The following GALNTL6 variants were observed in gnomAD, a reference collection of about 807,000 sequenced individuals.
GALNTL6 encodes the protein polypeptide N-acetylgalactosaminyltransferase-like 6.
A neutral mutation model predicts 73.7 loss-of-function variants in GALNTL6; 46 were observed. The ratio of observed to expected loss-of-function variants is 0.62; its 90% CI spans 0.49 to 0.80. The LOEUF is 0.80. Ranked by LOEUF, GALNTL6 falls within the 30% of genes least tolerant of loss-of-function variation. The probability of loss-of-function intolerance (pLI) is 0.00; values close to 1 mark genes in which losing one functional copy is unlikely to be tolerated. For missense variants in GALNTL6, 604 were observed against 755.0 expected (o/e 0.80, Z 2.34); for synonymous variants, 259 against 263.7 (o/e 0.98, Z 0.17).
chr4:172,974,888 A>G (rs939313725), intron 10 of GALNTL6, among the ~76,000 whole-genome samples: 1 of 152,212 alleles, frequency 6.6e-6, no homozygotes, highest in African/African-American at 2.4e-5. Context: ...ACCAGCTTCT[A>G]CTGTGGGCAC....
chr4:172,972,414 A>G, intron 10 of GALNTL6, among the ~76,000 whole-genome samples: 2 of 152,346 alleles, frequency 1.3e-5, no homozygotes, highest in South Asian at 4.1e-4. Flanking sequence ...ATATCAAAAG[A>G]TATCTAAGCC....
At chr4:172,815,924 C>A (rs1741577724) in intron 7 of GALNTL6, among the ~76,000 whole-genome samples, 1 of 152,116 alleles carries the variant, frequency 6.6e-6, no homozygotes. Flanking sequence ...ACCGTGTTTG[C>A]CTTCCTGATA....
chr4:172,606,358 G>A (rs2111035971), intron 5 of GALNTL6, among the ~76,000 whole-genome samples: 2 of 151,146 alleles, frequency 1.3e-5, no homozygotes, highest in East Asian at 3.9e-4. Context: ...GGAGGCTGAG[G>A]CAGGAGAATC....
chr4:172,512,813 C>T (rs989704086), intron 5 of GALNTL6, among the ~76,000 whole-genome samples: 2 of 152,108 alleles, frequency 1.3e-5, no homozygotes, highest in East Asian at 1.9e-4. Flanking sequence ...AGAAATCTGC[C>T]GTTAATCTGA....
At chr4:172,598,415 C>G (rs908649671) in intron 5 of GALNTL6, among the ~76,000 whole-genome samples, 4 of 152,138 alleles carry the variant, frequency 2.6e-5, no homozygotes, top group Non-Finnish European at 5.9e-5. Flanking sequence ...TTCGAGATAA[C>G]TGCCATTAGA....
At chr4:172,975,552 G>T (rs1252327026) in intron 10 of GALNTL6, among the ~76,000 whole-genome samples, 1 of 152,174 alleles carries the variant, frequency 6.6e-6, no homozygotes, top group Non-Finnish European at 1.5e-5. Context: ...TGGCCACCAG[G>T]CTTCAGGGAG....
intron 2 of GALNTL6, among the ~76,000 whole-genome samples, chr4:172,078,956 A>C (rs1212356790): frequency 6.6e-6 from 1 of 152,138 alleles, no homozygotes; most frequent in Non-Finnish European, 1.5e-5. Context: ...GGCATACATG[A>C]TCATATTACT....
Position 172,597,616 on chromosome 4 carries a change from T to A in GALNTL6, c.554-211745T>A, listed in dbSNP as rs532717605. On this transcript the variant is annotated intron_variant, in intron 5 of 12. Coordinates refer to ENST00000506823, the MANE Select transcript of GALNTL6 (RefSeq NM_001034845.3). ...GAAATTCTAGTCAGGTAGGATTTGA[T>A]AATCTAAATAGACCAGTGACTGACA... 9.2e-5 allele frequency among the ~76,000 whole-genome samples: 14 copies of A among 152,318 alleles called. No homozygotes were observed. In the East Asian group the frequency reaches 1.2e-3, roughly 13 times the overall value.
intron 2 of GALNTL6, among the ~76,000 whole-genome samples, chr4:172,083,759 C>T (rs1000250359): frequency 3.3e-5 from 5 of 152,076 alleles, no homozygotes; most frequent in South Asian, 4.1e-4. Context: ...TGTTTTTTTA[C>T]GTGTCTCTCT....
intron 3 of GALNTL6, among the ~76,000 whole-genome samples, chr4:172,233,095 C>T (rs1040974141): frequency 6.6e-6 from 1 of 151,460 alleles, no homozygotes; most frequent in African/African-American, 2.4e-5. Flanking sequence ...TTGGCTGGGC[C>T]CAGTGGCTCA....
intron 2 of GALNTL6, among the ~76,000 whole-genome samples, chr4:172,177,800 C>CACATGTGTATATATAT (rs1735079514): frequency 7.8e-6 from 1 of 128,900 alleles, no homozygotes; most frequent in African/African-American, 3.9e-5. Context: ...TATATATATA[C>CACATGTGTATATATAT]ACACACATAT....
At chr4:172,087,455 AAAAC>A (rs1732080001) in intron 2 of GALNTL6, among the ~76,000 whole-genome samples, 1 of 145,056 alleles carries the variant, frequency 6.9e-6, no homozygotes, top group African/African-American at 2.7e-5. Context: ...AAAAAAAAAA[AAAAC>A]AAAAAAAACA....
chr4:172,226,573 G>GTGTGTC (rs1554004992), intron 2 of GALNTL6, among the ~76,000 whole-genome samples: 2 of 104,050 alleles, frequency 1.9e-5, no homozygotes, highest in South Asian at 3.4e-4. Context: ...GTGTGTGTGT[G>GTGTGTC]TGTGTGTCTG....
intron 2 of GALNTL6, among the ~76,000 whole-genome samples, chr4:172,165,656 A>G (rs979135351): frequency 2.6e-5 from 4 of 152,216 alleles, no homozygotes; most frequent in Admixed American, 1.3e-4. Context: ...CTGAAAGTAT[A>G]TCAAGGGTAT....
chr4:171,903,495 G>A (rs930396675), intron 2 of GALNTL6, among the ~76,000 whole-genome samples: 1 of 152,060 alleles, frequency 6.6e-6, no homozygotes, highest in East Asian at 1.9e-4. Context: ...AGGGTCCCAC[G>A]CCCACGGAGT....
intron 2 of GALNTL6, among the ~76,000 whole-genome samples, chr4:172,025,054 G>A (rs944481304): frequency 1.3e-5 from 2 of 151,942 alleles, no homozygotes; most frequent in Non-Finnish European, 2.9e-5. Context: ...GACCCTCAAT[G>A]CTTCACAGCT....
At chr4:172,973,084 A>G (rs1750655104) in intron 10 of GALNTL6, among the ~76,000 whole-genome samples, 1 of 152,192 alleles carries the variant, frequency 6.6e-6, no homozygotes. Flanking sequence ...TAAATTCAAA[A>G]GGAAAGAATT....
At chr4:172,420,111 C>T (rs191318466) in intron 5 of GALNTL6, among the ~76,000 whole-genome samples, 7 of 152,116 alleles carry the variant, frequency 4.6e-5, no homozygotes, top group African/African-American at 1.7e-4. Flanking sequence ...AGTGAGCCAT[C>T]CATTTTACTA....
At chr4:172,401,980 G>GAA (rs1744059273) in intron 5 of GALNTL6, among the ~76,000 whole-genome samples, 1 of 139,184 alleles carries the variant, frequency 7.2e-6, no homozygotes. Context: ...GAGAGAGAGA[G>GAA]ATCTTTATTA....
Sources: gnomAD v4.1 joint callset for allele counts (sites outside exome capture counted in the v4.1 genomes callset) on GRCh38, gnomAD v4.1.1 for gene constraint, MANE v1.5 for transcripts, NCBI Gene and HGNC (gene_info 2026-07-23, HGNC 2026-07-21) for gene names.